PANX3: variants seen among roughly 807,000 people sequenced by gnomAD.
PANX3 encodes pannexin 3, also known as pannexin-3.
A neutral mutation model predicts 31.5 loss-of-function variants in PANX3; 18 were observed. The observed-to-expected ratio is 0.57, with a 90% CI of 0.39 to 0.85. The LOEUF (loss-of-function observed/expected upper bound fraction) is 0.85, where lower values mean the gene tolerates loss of function less well. PANX3 is among the 40% of genes least tolerant of loss of function. PANX3 has a pLI of 0.00. For missense variants in PANX3, 426 were observed against 485.4 expected (o/e 0.88, Z 1.15); for synonymous variants, 194 against 201.6 (o/e 0.96, Z 0.32).
chr11:124,614,548 A>AT (rs1446560409), intron 2 of PANX3, among the ~76,000 whole-genome samples: 1 of 151,818 alleles, frequency 6.6e-6, no homozygotes, highest in Non-Finnish European at 1.5e-5. Context: ...GATTACAGGC[A>AT]TAAGCCATAG....
At chr11:124,617,213 G>T in intron 2 of PANX3, 61 bp from the exon 3 acceptor site, 1 of 1,317,648 alleles carries the variant, frequency 7.6e-7, no homozygotes, top group Non-Finnish European at 1.1e-6. Flanking sequence ...CCCTCAGTCA[G>T]CACTGTCACT....
At chr11:124,612,650 T>C (rs1295561079) in intron 1 of PANX3, among the ~76,000 whole-genome samples, 2 of 152,180 alleles carry the variant, frequency 1.3e-5, no homozygotes, top group East Asian at 3.8e-4. Context: ...GGATGTCAGT[T>C]ATTTCAGGAA....
chr11:124,617,239 C>T (rs758676867), intron 2 of PANX3, 35 bp from the exon 3 acceptor site: 1 of 1,538,460 alleles, frequency 6.5e-7, no homozygotes, highest in East Asian at 2.3e-5. Flanking sequence ...TCTCAGCAGC[C>T]CCGGCCTCCC....
intron 1 of PANX3, 109 bp downstream of exon 1, chr11:124,611,846 G>A (rs1170338228): frequency 2.4e-5 from 29 of 1,232,678 alleles, no homozygotes; most frequent in South Asian, 5.3e-5. Context: ...CCATGGCTTC[G>A]GGCTGGGCTG....
intron 2 of PANX3, among the ~76,000 whole-genome samples, chr11:124,615,788 G>C (rs1863146334): frequency 6.6e-6 from 1 of 152,176 alleles, no homozygotes; most frequent in African/African-American, 2.4e-5. Context: ...AAGGTGGGCA[G>C]ATCACTTGAG....
At chr11:124,619,260 C>G (rs372968215) in intron 3 of PANX3, 36 bp from the exon 4 acceptor site, 42 of 1,578,932 alleles carry the variant, frequency 2.7e-5, no homozygotes, top group Non-Finnish European at 3.0e-5. Context: ...TCTAAATGGT[C>G]ACTACTAACC....
chr11:124,616,749 G>T lies in PANX3; in HGVS notation c.325-525G>T, dbSNP rs754661808. On this transcript the variant is annotated intron_variant, in intron 2 of 3. Coordinates refer to ENST00000284288, the MANE Select transcript of PANX3 (RefSeq NM_052959.3). This position sits in a 1 kb window ranked among gnomAD's most constrained non-coding sequence, Gnocchi z 4.8. Reference sequence around the variant, plus strand: ...AATCAGAAAAGACCACTGTGCATCAGACAAGTCCAGGAAGGTGACAGGGAA... The same window carrying T: ...AATCAGAAAAGACCACTGTGCATCATACAAGTCCAGGAAGGTGACAGGGAA... Among the ~76,000 whole-genome samples the T allele has an allele frequency of 2.0e-5, 3 of 152,206 alleles. No homozygotes were observed. The highest frequency in any genetic ancestry group is 6.5e-5 in the Admixed American group (1 of 15,288).
chr11:124,617,264 CG>C lies in PANX3; in HGVS notation c.325-9del. On this transcript the variant is annotated splice_polypyrimidine_tract_variant and intron_variant, in intron 2 of 3. Coordinates refer to ENST00000284288, the MANE Select transcript of PANX3 (RefSeq NM_052959.3). ...CCCGGCCTCCCTCCTCAGCTGCTCT[CG>C]CCCTGCAGGCCCTCCCCTACTCCCT... is the stretch of plus-strand genomic sequence containing the variant. 6.3e-7 allele frequency: 1 copy of C among 1,599,368 alleles called. No homozygotes were observed. The highest frequency in any genetic ancestry group is 8.5e-7 in the Non-Finnish European group (1 of 1,178,350).
intron 3 of PANX3, among the ~76,000 whole-genome samples, chr11:124,618,210 A>C (rs1042583778): frequency 3.2e-4 from 49 of 152,348 alleles, no homozygotes; most frequent in African/African-American, 1.2e-3. Context: ...TGGCCAGGCT[A>C]GATGGCCCAA....
At chr11:124,613,262 C>A in intron 2 of PANX3, 140 bp downstream of exon 2, 1 of 1,086,376 alleles carries the variant, frequency 9.2e-7, no homozygotes, top group Non-Finnish European at 1.3e-6. Context: ...TTCAGGCATT[C>A]TCTGAATCTG....
In PANX3 at chr11:124,620,090, A is replaced by C. The variant is rs543873126; in HGVS notation, c.*155A>C. 38 of 849,816 alleles carry C rather than the reference A, an allele frequency of 4.5e-5. No homozygotes were observed. The East Asian group carries it at 1.0e-3, about 22-fold the overall frequency. 52.6% of individuals were successfully genotyped at this position (849,816 alleles called of 1,614,324 possible). On this transcript the variant is annotated 3_prime_UTR_variant, in exon 4 of 4. Coordinates refer to ENST00000284288, the MANE Select transcript of PANX3 (RefSeq NM_052959.3). ...ATATATCTTTTATCATGTTATCCTA[A>C]AAGTGAGAAGACATAACCAAGACAT...
chr11:124,617,551 A>G (rs1863168744), intron 3 of PANX3, 63 bp downstream of exon 3: 3 of 1,517,582 alleles, frequency 2.0e-6, no homozygotes, highest in Admixed American at 3.4e-5. Context: ...ATAACTTTGC[A>G]TAGTCATCTT....
chr11:124,618,272 A>T (rs12801388), intron 3 of PANX3, among the ~76,000 whole-genome samples: 8,743 of 151,918 alleles, frequency 0.058, 311 homozygotes, highest in Non-Finnish European at 0.084. Context: ...TTATGCACAT[A>T]CTCTATCTTC....
At position 124,619,532 on chromosome 11, in the gene PANX3, T is replaced by C; in HGVS notation, c.776T>C (p.Ile259Thr). 1 of 1,614,190 alleles carries C rather than the reference T, an allele frequency of 6.2e-7. No homozygotes were observed. The highest frequency in any genetic ancestry group is 1.1e-5 in the South Asian group (1 of 91,076). The change falls in exon 4 of 4, where the codon ATC becomes ACC. Residue 259 changes from isoleucine (I) to threonine (T), a missense_variant. Transcript: ENST00000284288. ...LSDETHVPNLITCRLTSLSIF... is the reference protein window; with the variant it reads ...LSDETHVPNLTTCRLTSLSIF... ...GATGAGACCCATGTCCCCAATCTGA[T>C]CACATGCAGGCTGACATCACTGTCC...
intron 1 of PANX3, 144 bp downstream of exon 1, chr11:124,611,881 A>AACTCATGCACCATC: frequency 1.2e-6 from 1 of 820,408 alleles, no homozygotes; most frequent in Non-Finnish European, 1.7e-6. Context: ...CAGATGGTGC[A>AACTCATGCACCATC]TGAGTTCAGG....
intron 2 of PANX3, among the ~76,000 whole-genome samples, chr11:124,615,413 ATT>A (rs1565394768): frequency 2.0e-5 from 3 of 152,236 alleles, no homozygotes; most frequent in South Asian, 4.1e-4. Context: ...GGTACAATCA[ATT>A]ATGTATCCTC....
chr11:124,616,672 G>A lies in PANX3; in HGVS notation c.325-602G>A, dbSNP rs1863155940. Among the ~76,000 whole-genome samples the A allele has an allele frequency of 6.6e-6, 1 of 152,180 alleles. No individual in the cohort carries two copies. Among genetic ancestry groups the A allele is most frequent in the African/African-American group, 2.4e-5 (1 of 41,440 alleles). On this transcript the variant is annotated intron_variant, in intron 2 of 3. Coordinates refer to ENST00000284288, the MANE Select transcript of PANX3 (RefSeq NM_052959.3). The surrounding 1 kb of genome is among the most constrained non-coding windows in gnomAD (Gnocchi z 4.8). Reference sequence around the variant, plus strand: ...TACATGCCTGAAAGAGCCCCGCAAAGAATCCCAAGACAGTGTCTGATAGTG... The same window carrying A: ...TACATGCCTGAAAGAGCCCCGCAAAAAATCCCAAGACAGTGTCTGATAGTG...
intron 3 of PANX3, among the ~76,000 whole-genome samples, chr11:124,618,591 G>T (rs1013675557): frequency 6.6e-6 from 1 of 152,086 alleles, no homozygotes; most frequent in Non-Finnish European, 1.5e-5. Context: ...TGAATGAATT[G>T]TCCCAAAGAT....
chr11:124,619,246 T>G, intron 3 of PANX3, 50 bp from the exon 4 acceptor site: 1 of 1,535,840 alleles, frequency 6.5e-7, no homozygotes, highest in Non-Finnish European at 8.8e-7. Flanking sequence ...TCTTAGAGTA[T>G]GGTTCTAAAT....
Sources: gnomAD v4.1 joint callset for allele counts (sites outside exome capture counted in the v4.1 genomes callset) on GRCh38, gnomAD v4.1.1 for gene constraint, Gnocchi (gnomAD v3.1) non-coding constraint, MANE v1.5 for transcripts, NCBI Gene and HGNC (gene_info 2026-07-23, HGNC 2026-07-21) for gene names.